Variants in KCNN3 observed in about 807,000 individuals in gnomAD.
KCNN3 encodes small conductance calcium-activated potassium channel protein 3.
Under a neutral mutation model 62.9 loss-of-function variants are expected in KCNN3, and 16 were observed. That is an observed-to-expected ratio of 0.25 (90% CI 0.17 to 0.39). The LOEUF is 0.39. KCNN3 is among the 10% of genes least tolerant of loss of function. KCNN3 has a pLI of 1.00. For missense variants in KCNN3, 599 were observed against 949.4 expected (o/e 0.63, Z 4.85); for synonymous variants, 370 against 389.2 (o/e 0.95, Z 0.58).
intron 7 of KCNN3, among the ~76,000 whole-genome samples, chr1:154,709,834 C>A (rs1021690106): frequency 6.6e-6 from 1 of 152,010 alleles, no homozygotes; most frequent in Non-Finnish European, 1.5e-5. Flanking sequence ...TTCATTTGAC[C>A]GCAGGGGCAC....
chr1:154,868,416 G>C, intron 1 of KCNN3: 1 of 933,730 alleles, frequency 1.1e-6, no homozygotes, highest in Non-Finnish European at 1.3e-6. Flanking sequence ...TTTTGCCCGA[G>C]ACTCTCTGAG....
intron 2 of KCNN3, among the ~76,000 whole-genome samples, chr1:154,815,636 G>A (rs13374415): frequency 0.028 from 4,259 of 152,268 alleles, 190 homozygotes; most frequent in African/African-American, 0.097. Flanking sequence ...AATGTTTGTT[G>A]AATAAGTAAA....
At chr1:154,770,186 A>G (rs1245004975) in intron 3 of KCNN3, among the ~76,000 whole-genome samples, 1 of 152,212 alleles carries the variant, frequency 6.6e-6, no homozygotes, top group Non-Finnish European at 1.5e-5. Flanking sequence ...GAGGTTCTGA[A>G]TAGGTGAGCA....
chr1:154,822,069 G>A lies in KCNN3; in HGVS notation c.1029+20C>T. The A allele has an allele frequency of 2.5e-6, 4 of 1,579,224 alleles. No individual in the cohort carries two copies. Among genetic ancestry groups the A allele is most frequent in the Non-Finnish European group, 2.6e-6 (3 of 1,148,302 alleles). ...CAAAGGATCAGCCGCTGCATGAAGG[G>A]GTGAGGTGGGGGCACCTACCTGGAC... On this transcript the variant is annotated intron_variant, in intron 2 of 7. Transcript: ENST00000271915.
intron 2 of KCNN3, among the ~76,000 whole-genome samples, chr1:154,785,031 G>C (rs1220993851): frequency 6.6e-6 from 1 of 152,252 alleles, no homozygotes; most frequent in African/African-American, 2.4e-5. Context: ...AGGCCAATAG[G>C]TGTTTCTGGT....
chr1:154,823,132 C>T (rs1650972764), intron 1 of KCNN3, among the ~76,000 whole-genome samples: 1 of 152,112 alleles, frequency 6.6e-6, no homozygotes, highest in Non-Finnish European at 1.5e-5. Flanking sequence ...TGTTAACTAC[C>T]CTTATCATTT....
chr1:154,843,285 C>T (rs1309232792), intron 1 of KCNN3, among the ~76,000 whole-genome samples: 1 of 152,086 alleles, frequency 6.6e-6, no homozygotes, highest in Non-Finnish European at 1.5e-5. Flanking sequence ...CTCCCCAGAA[C>T]AAGAAGCTGC....
At chr1:154,779,657 A>G (rs1252592755) in intron 2 of KCNN3, among the ~76,000 whole-genome samples, 1 of 152,242 alleles carries the variant, frequency 6.6e-6, no homozygotes, top group Non-Finnish European at 1.5e-5. Context: ...GCACAACAGA[A>G]TTAATGGGCA....
chr1:154,838,505 T>C (rs1306862713), intron 1 of KCNN3, among the ~76,000 whole-genome samples: 2 of 152,176 alleles, frequency 1.3e-5, no homozygotes, highest in Non-Finnish European at 2.9e-5. Context: ...CCATAAATTC[T>C]AGCCATACCG....
At position 154,702,700 on chromosome 1, in the gene KCNN3, GATAT is replaced by G. The variant is rs67091748; in HGVS notation, c.*5272_*5275del. ...ACGTTGGCTGCTTCGATCTGATTCA[GATAT>G]ATATATATATATATATATATATATA... On this transcript the variant is annotated 3_prime_UTR_variant, in exon 8 of 8. Coordinates refer to ENST00000271915, the MANE Select transcript of KCNN3 (RefSeq NM_002249.6). 0.14 allele frequency: 5,921 copies of G among 41,854 alleles called. 447 individuals are homozygous for G. Among genetic ancestry groups the G allele is most frequent in the East Asian group, 0.21 (124 of 592 alleles). 2.6% of individuals were successfully genotyped at this position (41,854 alleles called of 1,614,324 possible). A position where few individuals can be genotyped will look rare whatever the true frequency, so the allele number is the denominator to read the frequency against.
chr1:154,755,803 A>AGGTTGG, intron 3 of KCNN3, among the ~76,000 whole-genome samples: 1 of 99,028 alleles, frequency 1.0e-5, no homozygotes, highest in Non-Finnish European at 2.0e-5. Context: ...AGGAGGAGGA[A>AGGTTGG]GAAGAAGAAG....
At chr1:154,814,592 G>A (rs1650579925) in intron 2 of KCNN3, among the ~76,000 whole-genome samples, 1 of 152,218 alleles carries the variant, frequency 6.6e-6, no homozygotes, top group Non-Finnish European at 1.5e-5. Flanking sequence ...GCAAAAAGGT[G>A]AAGGCGGCCA....
chr1:154,790,388 T>C (rs1234071163), intron 2 of KCNN3, among the ~76,000 whole-genome samples: 1 of 152,238 alleles, frequency 6.6e-6, no homozygotes, highest in East Asian at 1.9e-4. Context: ...TTAATACACC[T>C]AACCTACCGA....
intron 2 of KCNN3, among the ~76,000 whole-genome samples, chr1:154,801,289 A>G (rs1457127636): frequency 1.3e-5 from 2 of 152,200 alleles, no homozygotes; most frequent in Non-Finnish European, 1.5e-5. Flanking sequence ...ATCAGCGTGC[A>G]ATGACAGTTA....
At chr1:154,769,788 T>C (rs1386097609) in intron 3 of KCNN3, among the ~76,000 whole-genome samples, 1 of 152,004 alleles carries the variant, frequency 6.6e-6, no homozygotes. Context: ...ACAGGAAGAG[T>C]ATAGGCCCAT....
chr1:154,762,025 C>T (rs1648041607), intron 3 of KCNN3, among the ~76,000 whole-genome samples: 1 of 152,150 alleles, frequency 6.6e-6, no homozygotes, highest in Admixed American at 6.5e-5. Context: ...AAAATTCTTG[C>T]TAACTACCCA....
chr1:154,733,179 A>G (rs1363444162), intron 3 of KCNN3, 35 bp from the exon 4 acceptor site: 1 of 1,613,604 alleles, frequency 6.2e-7, no homozygotes, highest in East Asian at 2.2e-5. Context: ...GTCGATGAAC[A>G]GCCATTCCTG....
At chr1:154,728,743 G>A (rs866370849) in intron 4 of KCNN3, among the ~76,000 whole-genome samples, 5 of 152,010 alleles carry the variant, frequency 3.3e-5, no homozygotes, top group South Asian at 2.1e-4. Context: ...AAGTTGCGTT[G>A]CATCCTAAAC....
intron 1 of KCNN3, 133 bp downstream of exon 1, chr1:154,868,894 CTCTCA>C (rs1224294717): frequency 2.2e-6 from 2 of 921,948 alleles, no homozygotes; most frequent in Non-Finnish European, 3.5e-6. Flanking sequence ...CCCTCCCAAT[CTCTCA>C]ATCTCTCTCT....
Sources: allele counts gnomAD v4.1 joint callset (sites outside exome capture counted in the v4.1 genomes callset), GRCh38; gene constraint gnomAD v4.1.1; transcripts MANE v1.5; gene names NCBI Gene and HGNC (gene_info 2026-07-23, HGNC 2026-07-21).